KCND3: variants seen among roughly 807,000 people sequenced by gnomAD.
KCND3 encodes the protein A-type voltage-gated potassium channel KCND3.
In KCND3, 9 loss-of-function variants were observed where a neutral mutation model predicts 51.1. The ratio of observed to expected loss-of-function variants is 0.18; its 90% CI spans 0.11 to 0.31. The LOEUF (loss-of-function observed/expected upper bound fraction) is 0.31. Among genes scored for constraint, KCND3 ranks in the 10% least tolerant of loss-of-function variants. KCND3 has a pLI of 1.00. For missense variants in KCND3, 526 were observed against 903.8 expected, an observed-to-expected ratio of 0.58 and a Z score of 5.36; for synonymous variants, 349 against 368.0, an observed-to-expected ratio of 0.95 and a Z score of 0.59.
chr1:111,835,807 C>T lies in KCND3; in HGVS notation c.1107-48701G>A, dbSNP rs116856542. ...AGATATAACTACAAGCATATTTAGT[C>T]GAGCAGTCCATGCTGCTGCTCTGCC... is the stretch of plus-strand genomic sequence containing the variant. On this transcript the variant is annotated intron_variant, in intron 2 of 7. Transcript: ENST00000302127. Among the ~76,000 whole-genome samples the T allele has an allele frequency of 2.5e-3, 378 of 152,356 alleles. 5 individuals are homozygous for T. Among genetic ancestry groups the T allele is most frequent in the African/African-American group, 8.8e-3 (367 of 41,584 alleles).
chr1:111,934,069 G>A (rs1185396403), intron 2 of KCND3, among the ~76,000 whole-genome samples: 2 of 152,166 alleles, frequency 1.3e-5, no homozygotes, highest in Non-Finnish European at 2.9e-5. Flanking sequence ...GGGGAAGGTG[G>A]TGCGGGGGCT....
At chr1:111,939,219 A>G (rs1482339343) in intron 2 of KCND3, among the ~76,000 whole-genome samples, 1 of 152,120 alleles carries the variant, frequency 6.6e-6, no homozygotes, top group African/African-American at 2.4e-5. Flanking sequence ...CCACAAGGTG[A>G]TTTATTTATT....
intron 2 of KCND3, among the ~76,000 whole-genome samples, chr1:111,901,648 G>A (rs1363939606): frequency 6.6e-6 from 1 of 152,214 alleles, no homozygotes; most frequent in African/African-American, 2.4e-5. Flanking sequence ...CGCCACCTCT[G>A]TAGGCGGTGG....
intron 2 of KCND3, among the ~76,000 whole-genome samples, chr1:111,809,822 C>T (rs1382992919): frequency 3.3e-5 from 5 of 152,166 alleles, no homozygotes; most frequent in African/African-American, 1.2e-4. Flanking sequence ...AGACAGGGTC[C>T]CCAACCTGCT....
At chr1:111,986,888 G>A (rs1387591339) in intron 1 of KCND3, among the ~76,000 whole-genome samples, 1 of 152,174 alleles carries the variant, frequency 6.6e-6, no homozygotes, top group Non-Finnish European at 1.5e-5. Context: ...GCAATCCAAG[G>A]CCTAGTTCAC....
At chr1:111,778,380 ACAGACT>A in intron 6 of KCND3, 50 bp downstream of exon 6, 1 of 1,527,282 alleles carries the variant, frequency 6.5e-7, no homozygotes, top group Non-Finnish European at 9.1e-7. Context: ...GGGAGAATCC[ACAGACT>A]CAGAATTATC....
intron 1 of KCND3, among the ~76,000 whole-genome samples, chr1:111,986,290 C>T (rs1215600190): frequency 2.0e-5 from 3 of 152,134 alleles, no homozygotes. Context: ...GCTTTTCTGC[C>T]CAAAGGTTAC....
intron 2 of KCND3, among the ~76,000 whole-genome samples, chr1:111,971,308 AAAAAC>A (rs750010617): frequency 6.6e-6 from 1 of 151,880 alleles, no homozygotes; most frequent in East Asian, 1.9e-4. Flanking sequence ...AAAAAAAAAA[AAAAAC>A]ACCACAAAAC....
chr1:111,884,097 A>C (rs970704038), intron 2 of KCND3, among the ~76,000 whole-genome samples: 2 of 152,198 alleles, frequency 1.3e-5, no homozygotes, highest in African/African-American at 4.8e-5. Context: ...ATAAGACCCT[A>C]GTAGCATCTT....
At chr1:111,801,520 T>A (rs113000409) in intron 2 of KCND3, among the ~76,000 whole-genome samples, 2,251 of 152,238 alleles carry the variant, frequency 0.015, 52 homozygotes, top group African/African-American at 0.052. Context: ...GTTGAGGTAG[T>A]GACAGGTGGG....
intron 2 of KCND3, among the ~76,000 whole-genome samples, chr1:111,862,499 G>A (rs1223802670): frequency 7.2e-5 from 11 of 152,256 alleles, no homozygotes. Context: ...AATATGGTGA[G>A]TCTGTAAATT....
At chr1:111,938,860 G>A (rs1672346442) in intron 2 of KCND3, among the ~76,000 whole-genome samples, 1 of 152,200 alleles carries the variant, frequency 6.6e-6, no homozygotes, top group Admixed American at 6.5e-5. Flanking sequence ...GCATCACTGG[G>A]TCCTGAGCAG....
chr1:111,855,148 G>A (rs1668006007), intron 2 of KCND3, among the ~76,000 whole-genome samples: 1 of 152,200 alleles, frequency 6.6e-6, no homozygotes, highest in Non-Finnish European at 1.5e-5. Flanking sequence ...GTTAAGCTGA[G>A]GTCAAACCCA....
chr1:111,866,602 A>ACT (rs1668585689), intron 2 of KCND3, among the ~76,000 whole-genome samples: 1 of 151,016 alleles, frequency 6.6e-6, no homozygotes, highest in Non-Finnish European at 1.5e-5. Context: ...ACACACACAC[A>ACT]CACACACACA....
At chr1:111,929,737 A>C (rs1364851904) in intron 2 of KCND3, among the ~76,000 whole-genome samples, 3 of 152,182 alleles carry the variant, frequency 2.0e-5, no homozygotes, top group African/African-American at 7.2e-5. Context: ...GGAGCTGCAG[A>C]GCTGAGTGGA....
In KCND3 at chr1:111,982,298, G is replaced by C. The variant is rs1447033826; in HGVS notation, c.429C>G (p.Asn143Lys). The change falls in exon 2 of 8, where the codon AAC (asparagine) becomes AAG (lysine). Residue 143 changes from asparagine (N) to lysine (K), a missense_variant. Coordinates refer to ENST00000302127, the MANE Select transcript of KCND3 (RefSeq NM_001378969.1). The surrounding 1 kb of genome is among the most constrained non-coding windows in gnomAD (Gnocchi z 8.5). The part of the protein sequence containing the change: ...YEEYKDRKRE[N>K]AERLMDDNDS... ...CGTTGTCGTCCATGAGCCGCTCGGC[G>C]TTCTCCCTCTTGCGGTCCTTGTACT... is the stretch of plus-strand genomic sequence containing the variant. 6.2e-7 allele frequency: 1 copy of C among 1,613,994 alleles called. No individual in the cohort carries two copies. Among genetic ancestry groups the C allele is most frequent in the Non-Finnish European group, 8.5e-7 (1 of 1,180,046 alleles).
At chr1:111,951,474 G>A (rs1161724475) in intron 2 of KCND3, among the ~76,000 whole-genome samples, 1 of 152,180 alleles carries the variant, frequency 6.6e-6, no homozygotes, top group African/African-American at 2.4e-5. Flanking sequence ...ATATGTATGA[G>A]AGGGGTTGGA....
At chr1:111,957,243 G>C (rs1203911498) in intron 2 of KCND3, among the ~76,000 whole-genome samples, 2 of 152,154 alleles carry the variant, frequency 1.3e-5, no homozygotes, top group African/African-American at 4.8e-5. Flanking sequence ...CCACTAAGGA[G>C]GCCCCAACAG....
At chr1:111,806,017 C>T in intron 2 of KCND3, among the ~76,000 whole-genome samples, 1 of 152,214 alleles carries the variant, frequency 6.6e-6, no homozygotes, top group Admixed American at 6.5e-5. Context: ...CCTGTCTGGC[C>T]TTCCCCAGGG....
Sources: allele counts gnomAD v4.1 joint callset (sites outside exome capture counted in the v4.1 genomes callset), GRCh38; gene constraint gnomAD v4.1.1; non-coding constraint Gnocchi (gnomAD v3.1); transcripts MANE v1.5; gene names NCBI Gene and HGNC (gene_info 2026-07-23, HGNC 2026-07-21).